INPP4B: variants seen among roughly 807,000 people sequenced by gnomAD.
The protein encoded by INPP4B is inositol polyphosphate-4-phosphatase type II B, also known as inositol polyphosphate 4-phosphatase type II.
A neutral mutation model predicts 122.5 loss-of-function variants in INPP4B; 55 were observed. That is an observed-to-expected ratio of 0.45 (90% CI 0.36 to 0.56). The LOEUF (loss-of-function observed/expected upper bound fraction) is 0.56. INPP4B is among the 20% of genes least tolerant of loss of function. The probability of loss-of-function intolerance (pLI) is 0.00; values close to 1 mark genes in which losing one functional copy is unlikely to be tolerated. For synonymous variants in INPP4B, 403 were observed against 388.7 expected (o/e 1.04, Z -0.43); for missense variants, 1,000 against 1,097.7 (o/e 0.91, Z 1.26).
chr4:142,769,499 A>G (rs777014434), intron 1 of INPP4B, among the ~76,000 whole-genome samples: 57 of 152,314 alleles, frequency 3.7e-4, no homozygotes, highest in Non-Finnish European at 8.2e-4. Flanking sequence ...TAGAGTAGAC[A>G]TTAGGACCAT....
chr4:142,520,999 C>T (rs530036023), intron 2 of INPP4B, among the ~76,000 whole-genome samples: 1 of 151,880 alleles, frequency 6.6e-6, no homozygotes, highest in Admixed American at 6.6e-5. Flanking sequence ...TCTCCCTTGA[C>T]CCCAAACCTA....
At chr4:142,754,479 G>A (rs1561032769) in intron 1 of INPP4B, among the ~76,000 whole-genome samples, 2 of 151,908 alleles carry the variant, frequency 1.3e-5, no homozygotes, top group Non-Finnish European at 2.9e-5. Context: ...TCACTATCAT[G>A]TTGTATCTTT....
intron 15 of INPP4B, among the ~76,000 whole-genome samples, chr4:142,190,375 C>T (rs1169051847): frequency 2.6e-5 from 4 of 152,026 alleles, no homozygotes; most frequent in Non-Finnish European, 4.4e-5. Flanking sequence ...TGTTGACTGA[C>T]GTGCAATATT....
chr4:142,811,332 C>T (rs2151123436), intron 1 of INPP4B, among the ~76,000 whole-genome samples: 1 of 152,296 alleles, frequency 6.6e-6, no homozygotes, highest in East Asian at 1.9e-4. Flanking sequence ...GAGGAGAGGG[C>T]CAAGTCAGTC....
intron 2 of INPP4B, among the ~76,000 whole-genome samples, chr4:142,504,090 A>C (rs1203105273): frequency 6.6e-6 from 1 of 152,114 alleles, no homozygotes; most frequent in South Asian, 2.1e-4. Context: ...GAGGCAAACA[A>C]GTCAATAGAC....
intron 11 of INPP4B, among the ~76,000 whole-genome samples, chr4:142,242,905 T>G (rs1428258507): frequency 6.6e-6 from 1 of 152,152 alleles, no homozygotes; most frequent in Non-Finnish European, 1.5e-5. Flanking sequence ...GAGAGAGCTG[T>G]GTGGTTTTTC....
intron 16 of INPP4B, among the ~76,000 whole-genome samples, chr4:142,172,043 T>G (rs971553015): frequency 6.6e-6 from 1 of 151,978 alleles, no homozygotes; most frequent in Admixed American, 6.6e-5. Flanking sequence ...AATTATATTA[T>G]TTTACTGTAT....
intron 2 of INPP4B, among the ~76,000 whole-genome samples, chr4:142,646,831 G>A (rs78148944): frequency 0.047 from 7,159 of 152,210 alleles, 234 homozygotes; most frequent in Middle Eastern, 0.14. Flanking sequence ...AGGAGCAAGG[G>A]TGCTCTTGAG....
intron 8 of INPP4B, 48 bp from the exon 9 acceptor site, chr4:142,305,585 A>G (rs1169132287): frequency 3.8e-6 from 6 of 1,572,590 alleles, no homozygotes; most frequent in Non-Finnish European, 5.2e-6. Context: ...GTTCTTTAAT[A>G]TTTTTGCTGT....
intron 11 of INPP4B, among the ~76,000 whole-genome samples, chr4:142,238,815 T>C (rs1444802248): frequency 6.6e-6 from 1 of 152,138 alleles, no homozygotes; most frequent in Admixed American, 6.5e-5. Context: ...CCAGTACTCA[T>C]ACCACACTTT....
chr4:142,225,869 C>G (rs2149770013), intron 12 of INPP4B, among the ~76,000 whole-genome samples: 1 of 152,072 alleles, frequency 6.6e-6, no homozygotes, highest in African/African-American at 2.4e-5. Context: ...TGTTTTAGGC[C>G]TAGGAATTTA....
chr4:142,656,742 G>C (rs924524773), intron 2 of INPP4B, among the ~76,000 whole-genome samples: 2 of 152,178 alleles, frequency 1.3e-5, no homozygotes, highest in Admixed American at 6.5e-5. Flanking sequence ...TTTTTAAACT[G>C]CTTTTTTGTT....
At chr4:142,689,036 C>G (rs993321012) in intron 2 of INPP4B, among the ~76,000 whole-genome samples, 2 of 152,108 alleles carry the variant, frequency 1.3e-5, no homozygotes, top group Non-Finnish European at 2.9e-5. Flanking sequence ...CCCTATCCAC[C>G]AAATTATCCT....
intron 5 of INPP4B, among the ~76,000 whole-genome samples, chr4:142,413,549 A>C (rs917849543): frequency 2.0e-5 from 3 of 152,218 alleles, no homozygotes; most frequent in African/African-American, 7.2e-5. Context: ...ATTATTAAAG[A>C]TAATACATAA....
At chr4:142,149,537 A>G (rs1812647198) in intron 17 of INPP4B, among the ~76,000 whole-genome samples, 1 of 152,218 alleles carries the variant, frequency 6.6e-6, no homozygotes, top group Non-Finnish European at 1.5e-5. Flanking sequence ...ACAGTAGCAC[A>G]AACTAAGCAG....
chr4:142,799,059 T>A (rs1046401995), intron 1 of INPP4B, among the ~76,000 whole-genome samples: 2 of 151,846 alleles, frequency 1.3e-5, no homozygotes, highest in African/African-American at 4.8e-5. Flanking sequence ...TTTTAAAGAA[T>A]GAAATAAATT....
chr4:142,035,563 G>A (rs920847473), intron 25 of INPP4B, among the ~76,000 whole-genome samples: 1 of 152,300 alleles, frequency 6.6e-6, no homozygotes, highest in South Asian at 2.1e-4. Flanking sequence ...CCAGGAGGTG[G>A]GTGGAGGAGC....
chr4:142,028,208 A>G lies in INPP4B; in HGVS notation c.*574T>C. The G allele has an allele frequency of 4.4e-6, 1 of 228,438 alleles. No individual in the cohort carries two copies. Among genetic ancestry groups the G allele is most frequent in the Non-Finnish European group, 8.7e-6 (1 of 115,044 alleles). 14.2% of individuals were successfully genotyped at this position (228,438 alleles called of 1,614,324 possible). Reference sequence around the variant, plus strand: ...ATGCCTGTTGCAAGGGAGGAGTCACACCTTGACTGGATGATAGAGATCATT... The same window carrying G: ...ATGCCTGTTGCAAGGGAGGAGTCACGCCTTGACTGGATGATAGAGATCATT... On this transcript the variant is annotated 3_prime_UTR_variant, in exon 26 of 26. Transcript: ENST00000262992.
At chr4:142,767,080 C>T (rs1772261251) in intron 1 of INPP4B, among the ~76,000 whole-genome samples, 1 of 152,216 alleles carries the variant, frequency 6.6e-6, no homozygotes, top group Admixed American at 6.5e-5. Flanking sequence ...CAATGATAAT[C>T]TAAACGCTCA....
Sources: allele counts gnomAD v4.1 joint callset (sites outside exome capture counted in the v4.1 genomes callset), GRCh38; gene constraint gnomAD v4.1.1; transcripts MANE v1.5; gene names NCBI Gene and HGNC (gene_info 2026-07-23, HGNC 2026-07-21).